The following CARMIL2 variants were observed in gnomAD, a reference collection of about 807,000 sequenced individuals.
CARMIL2 encodes capping protein, Arp2/3 and myosin-I linker protein 2.
In CARMIL2, 96 loss-of-function variants were observed where a neutral mutation model predicts 173.3. The observed-to-expected ratio is 0.55, with a 90% CI of 0.47 to 0.66. CARMIL2 has a LOEUF of 0.66. Among genes scored for constraint, CARMIL2 ranks in the 30% least tolerant of loss-of-function variants. The probability of loss-of-function intolerance (pLI) is 0.00; values close to 1 mark genes in which losing one functional copy is unlikely to be tolerated. For synonymous variants in CARMIL2, 830 were observed against 817.1 expected, an observed-to-expected ratio of 1.02 and a Z score of -0.27; for missense variants, 1,771 against 1,906.7, an observed-to-expected ratio of 0.93 and a Z score of 1.33.
chr16:67,654,988 C>G (rs1429735648), intron 32 of CARMIL2, 88 bp downstream of exon 32: 3 of 1,502,046 alleles, frequency 2.0e-6, no homozygotes, highest in Non-Finnish European at 2.7e-6. Flanking sequence ...AGACTCATGA[C>G]AGATAGGTCT....
At position 67,649,759 on chromosome 16, in the gene CARMIL2, G is replaced by A. The variant is rs768160293; in HGVS notation, c.1920-47G>A. 2 of 1,590,576 alleles carry A rather than the reference G, an allele frequency of 1.3e-6. No homozygotes were observed. The highest frequency in any genetic ancestry group is 1.3e-5 in the African/African-American group (1 of 74,600). ...GAATGGACTAGGCCGAGGGTTGGGTGGGGCGTTGGGAAGCTCCGTCCCCGA... is the reference window on the plus strand; with the variant it reads ...GAATGGACTAGGCCGAGGGTTGGGTAGGGCGTTGGGAAGCTCCGTCCCCGA... On this transcript the variant is annotated intron_variant, in intron 20 of 37. Transcript: ENST00000334583. The surrounding 1 kb of genome is among the most constrained non-coding windows in gnomAD (Gnocchi z 6.7).
In CARMIL2 at chr16:67,646,733, C is replaced by G. The variant is rs767924418; in HGVS notation, c.486C>G (p.Tyr162Ter). The change falls in exon 7 of 38, where the codon TAC becomes TAG. Residue 162 changes from tyrosine to a stop codon, truncating the protein, a stop_gained. Transcript: ENST00000334583. LOFTEE classifies it high-confidence loss of function. This position sits in a 1 kb window ranked among gnomAD's most constrained non-coding sequence, Gnocchi z 4.6. ...CSPCGGFLETYEALCDYNGFP... is the reference protein window; with the variant it reads ...CSPCGGFLET The stretch of plus-strand genomic sequence containing the variant: ...CCCCAGGTGGCTTCTTGGAGACATA[C>G]GAGGCTCTGTGTGACTACAATGGCT... 1.2e-6 allele frequency: 2 copies of G among 1,613,960 alleles called. No individual in the cohort carries two copies. Among genetic ancestry groups the G allele is most frequent in the Admixed American group, 1.7e-5 (1 of 60,030 alleles).
At position 67,647,744 on chromosome 16, in the gene CARMIL2, C is replaced by A; in HGVS notation, c.936C>A (p.Ala312=). 2 of 1,583,954 alleles carry A rather than the reference C, an allele frequency of 1.3e-6. 1 individual carries two copies. The highest frequency in any genetic ancestry group is 3.6e-4 in the Middle Eastern group (2 of 5,512). ...CPGALRRLSL[A]QTGLTPRGMR... ...GAGCCCTGAGGAGACTCAGCCTGGC[C>A]CAGACAGGGTTGACACCGCGAGGTA... Residue 312 remains alanine, a synonymous_variant, in exon 12 of 38, where the codon GCC becomes GCA. Coordinates refer to ENST00000334583, the MANE Select transcript of CARMIL2 (RefSeq NM_001013838.3).
chr16:67,656,355 G>A, intron 34 of CARMIL2, 56 bp downstream of exon 34: 2 of 1,610,924 alleles, frequency 1.2e-6, no homozygotes, highest in South Asian at 2.2e-5. Flanking sequence ...GCAGGAGTTG[G>A]GTCAGACTGT....
chr16:67,647,380 C>A lies in CARMIL2; in HGVS notation c.769C>A (p.Leu257Met). The change falls in exon 10 of 38, where the codon CTG (leucine) becomes ATG (methionine). Residue 257 changes from leucine to methionine, a missense_variant. By Grantham distance (15) the Leu-to-Met change is conservative. Transcript: ENST00000334583. ...LEELVLETCS[L>M]RGDFVRRLAQ... ...GGAGCTGGTGCTGGAGACCTGCAGC[C>A]TGAGGGGGTGAGGGGGACAGGGCAG... The A allele has an allele frequency of 6.3e-7, 1 of 1,577,124 alleles. No homozygotes were observed. The highest frequency in any genetic ancestry group is 8.6e-7 in the Non-Finnish European group (1 of 1,161,372).
At chr16:67,655,078 G>A (rs1309299178) in intron 32 of CARMIL2, among the ~76,000 whole-genome samples, 178 bp downstream of exon 32, 3 of 152,246 alleles carry the variant, frequency 2.0e-5, no homozygotes, top group Non-Finnish European at 4.4e-5. Flanking sequence ...CCCAGGCACA[G>A]GCCACCAGCA....
Position 67,647,851 on chromosome 16 carries a change from A to C in CARMIL2, c.964A>C (p.Arg322=). ...TGACCCCGACCCACCACCAGGAATG[A>C]GGGCTCTGGGCCGGGCACTGGCCAC... ...AQTGLTPRGM[R]ALGRALATNA... Residue 322 remains arginine, a synonymous_variant, in exon 13 of 38, where the codon AGG becomes CGG. Coordinates refer to ENST00000334583, the MANE Select transcript of CARMIL2 (RefSeq NM_001013838.3). 6.2e-7 allele frequency: 1 copy of C among 1,608,658 alleles called. No individual in the cohort carries two copies. The highest frequency in any genetic ancestry group is 8.5e-7 in the Non-Finnish European group (1 of 1,177,926).
rs915828283 is a variant in CARMIL2, at chr16:67,656,734, G to A, written c.4037-67G>A. The A allele has an allele frequency of 2.6e-6, 4 of 1,563,212 alleles. No individual in the cohort carries two copies. The African/African-American group carries it at 4.1e-5, about 16-fold the overall frequency. ...AACTCAGCTCCTCTAAGGACCCTGAGGGTGGGAGGCAAGGGCTGGAGTGGG... is the reference window on the plus strand; with the variant it reads ...AACTCAGCTCCTCTAAGGACCCTGAAGGTGGGAGGCAAGGGCTGGAGTGGG... On this transcript the variant is annotated intron_variant, in intron 35 of 37. Coordinates refer to ENST00000334583, the MANE Select transcript of CARMIL2 (RefSeq NM_001013838.3).
In CARMIL2 at chr16:67,656,789, G is replaced by A. The variant is rs766033638; in HGVS notation, c.4037-12G>A. The A allele has an allele frequency of 3.2e-6, 5 of 1,551,580 alleles. No homozygotes were observed. Among genetic ancestry groups the A allele is most frequent in the Non-Finnish European group, 4.4e-6 (5 of 1,147,512 alleles). ...GCTGTTGGAATACCCCTGATTCCCT[G>A]GCCTCCCTCAGATGGCCAGCTGAGG... On this transcript the variant is annotated splice_polypyrimidine_tract_variant and intron_variant, in intron 35 of 37. Coordinates refer to ENST00000334583, the MANE Select transcript of CARMIL2 (RefSeq NM_001013838.3).
In CARMIL2 at chr16:67,654,901, G is replaced by A. The variant is rs994563461; in HGVS notation, c.3705+1G>A. ...GGGTGCCGAAGGCAAGAGGAAGCAA[G>A]TGAGTTGAGGGGACCTGAGCATGAA... On this transcript the variant is annotated splice_donor_variant, in intron 32 of 37. Coordinates refer to ENST00000334583, the MANE Select transcript of CARMIL2 (RefSeq NM_001013838.3). LOFTEE classifies it high-confidence loss of function. 6.2e-7 allele frequency: 1 copy of A among 1,613,494 alleles called. No homozygotes were observed. Among genetic ancestry groups the A allele is most frequent in the Non-Finnish European group, 8.5e-7 (1 of 1,179,866 alleles).
Position 67,651,374 on chromosome 16 carries a change from C to T in CARMIL2, c.2314-27C>T, listed in dbSNP as rs200413011. ...CCCCTCTTAGTCAGGTGTCAGCTCG[C>T]AACTGCTTTTCCTCTTTGGCCCTCA... On this transcript the variant is annotated intron_variant, in intron 23 of 37. Coordinates refer to ENST00000334583, the MANE Select transcript of CARMIL2 (RefSeq NM_001013838.3). The surrounding 1 kb of genome is among the most constrained non-coding windows in gnomAD (Gnocchi z 4.2). 14 of 1,600,654 alleles carry T rather than the reference C, an allele frequency of 8.7e-6. No individual in the cohort carries two copies. Among genetic ancestry groups the T allele is most frequent in the Non-Finnish European group, 8.5e-6 (10 of 1,170,680 alleles).
rs1412689704 is a variant in CARMIL2, at chr16:67,647,922, G to A, written c.1035G>A (p.Gly345=). The change falls in exon 13 of 38, where the codon GGG becomes GGA. Residue 345 remains glycine (G), a synonymous_variant. Transcript: ENST00000334583. ...CCCTGACCCACCTGGACCTTTCTGGGAATCCTGGGGCGCTGGGGGCCTCCG... is the reference window on the plus strand; with the variant it reads ...CCCTGACCCACCTGGACCTTTCTGGAAATCCTGGGGCGCTGGGGGCCTCCG... ...DSTLTHLDLS[G]NPGALGASED... 3 of 1,610,906 alleles carry A rather than the reference G, an allele frequency of 1.9e-6. No homozygotes were observed. The highest frequency in any genetic ancestry group is 3.3e-4 in the Middle Eastern group (2 of 6,030).
At position 67,647,396 on chromosome 16, in the gene CARMIL2, G is replaced by T; in HGVS notation, c.776+9G>T. 6.4e-7 allele frequency: 1 copy of T among 1,570,750 alleles called. No individual in the cohort carries two copies. Among genetic ancestry groups the T allele is most frequent in the South Asian group, 1.2e-5 (1 of 85,850 alleles). On this transcript the variant is annotated intron_variant, in intron 10 of 37. Transcript: ENST00000334583. ...ACCTGCAGCCTGAGGGGGTGAGGGG[G>T]ACAGGGCAGGGCTTGGAGAGGAGAG...
At position 67,653,368 on chromosome 16, in the gene CARMIL2, C is replaced by T. The variant is rs1341527686; in HGVS notation, c.3120+114C>T. The T allele has an allele frequency of 5.9e-6, 2 of 339,836 alleles. No individual in the cohort carries two copies. The highest frequency in any genetic ancestry group is 8.8e-6 in the Non-Finnish European group (2 of 227,310). 21.1% of individuals were successfully genotyped at this position (339,836 alleles called of 1,614,324 possible). On this transcript the variant is annotated intron_variant, in intron 29 of 37. Coordinates refer to ENST00000334583, the MANE Select transcript of CARMIL2 (RefSeq NM_001013838.3). The surrounding 1 kb of genome is among the most constrained non-coding windows in gnomAD (Gnocchi z 7.4). ...AGGGGGTGGTGGGGGCCCAAGGCCA[C>T]CTGGTCGTGCGGCCGCGGTCACATC...
chr16:67,647,652 A>T, intron 11 of CARMIL2, 28 bp from the exon 12 acceptor site: 1 of 1,599,822 alleles, frequency 6.3e-7, no homozygotes. Context: ...AGGAGGTGAG[A>T]CCCACGTGGC....
chr16:67,654,519 C>G lies in CARMIL2; in HGVS notation c.3409C>G (p.Arg1137Gly). The change falls in exon 31 of 38, where the codon CGG becomes GGG. Residue 1137 changes from arginine to glycine, a missense_variant. Coordinates refer to ENST00000334583, the MANE Select transcript of CARMIL2 (RefSeq NM_001013838.3). Reference sequence around the variant, plus strand: ...AAAAACTACATTTGGCGACCTACTGCGGCCGCCAACCCGTCCCAGCCGTGG... The same window carrying G: ...AAAAACTACATTTGGCGACCTACTGGGGCCGCCAACCCGTCCCAGCCGTGG... Reference protein sequence around the residue: ...TRKTTFGDLLRPPTRPSRGEE... With the variant: ...TRKTTFGDLLGPPTRPSRGEE... 1.2e-6 allele frequency: 2 copies of G among 1,611,562 alleles called. No homozygotes were observed. The highest frequency in any genetic ancestry group is 1.7e-6 in the Non-Finnish European group (2 of 1,179,306).
chr16:67,656,451 G>A lies in CARMIL2; in HGVS notation c.3842G>A (p.Ser1281Asn), dbSNP rs1174933908. The change falls in exon 35 of 38, where the codon AGC becomes AAC. Residue 1281 changes from serine (S) to asparagine (N), a missense_variant. Coordinates refer to ENST00000334583, the MANE Select transcript of CARMIL2 (RefSeq NM_001013838.3). ...ADPSCRPGPG[S>N]QGPESATWKT... ...CCTTCCTGCAGACCTGGCCCAGGGA[G>A]CCAGGGGCCTGAGTCTGCCACCTGG... 1.9e-6 allele frequency: 3 copies of A among 1,610,534 alleles called. No homozygotes were observed. The East Asian group carries it at 6.7e-5, about 36-fold the overall frequency.
At chr16:67,655,321 A>G (rs1480839109) in intron 32 of CARMIL2, among the ~76,000 whole-genome samples, 1 of 152,196 alleles carries the variant, frequency 6.6e-6, no homozygotes. Flanking sequence ...AGTCCCAGCT[A>G]CTTGGGAGGG....
intron 32 of CARMIL2, among the ~76,000 whole-genome samples, chr16:67,655,708 C>T (rs1224614852): frequency 2.0e-5 from 3 of 152,200 alleles, no homozygotes; most frequent in Non-Finnish European, 4.4e-5. Flanking sequence ...CCTGCAGTGC[C>T]CATGGTTCTT....
Sources: gnomAD v4.1 joint callset for allele counts (sites outside exome capture counted in the v4.1 genomes callset) on GRCh38, gnomAD v4.1.1 for gene constraint, Gnocchi (gnomAD v3.1) non-coding constraint, MANE v1.5 for transcripts, NCBI Gene and HGNC (gene_info 2026-07-23, HGNC 2026-07-21) for gene names.